The following CYFIP1 variants were observed in gnomAD, a reference collection of about 807,000 sequenced individuals.
CYFIP1 encodes cytoplasmic FMR1-interacting protein 1.
In CYFIP1, 58 loss-of-function variants were observed where a neutral mutation model predicts 163.5. That is an observed-to-expected ratio of 0.35 (90% confidence interval 0.29 to 0.44). The LOEUF (loss-of-function observed/expected upper bound fraction) is 0.44, where lower values mean the gene tolerates loss of function less well. Ranked by LOEUF, CYFIP1 falls within the 20% of genes least tolerant of loss-of-function variation. The pLI, the probability that CYFIP1 is intolerant of heterozygous loss-of-function variation, is 1.00. For synonymous variants in CYFIP1, 663 were observed against 660.7 expected, an observed-to-expected ratio of 1.00 and a Z score of -0.05; for missense variants, 1,338 against 1,653.8, an observed-to-expected ratio of 0.81 and a Z score of 3.31.
At chr15:22,953,838 G>A (rs1230379798) in intron 1 of CYFIP1, among the ~76,000 whole-genome samples, 4 of 152,240 alleles carry the variant, frequency 2.6e-5, no homozygotes, top group African/African-American at 7.2e-5. Flanking sequence ...GGTGGATCAC[G>A]AAGTCAGGAG....
chr15:22,934,183 T>C (rs1232775332), intron 9 of CYFIP1, among the ~76,000 whole-genome samples: 1 of 118,404 alleles, frequency 8.4e-6, no homozygotes, highest in Non-Finnish European at 1.7e-5. Flanking sequence ...CTTTCTTTTT[T>C]TTTTTTTTTT....
chr15:22,870,468 G>A (rs1027119914), intron 30 of CYFIP1, among the ~76,000 whole-genome samples: 21 of 151,750 alleles, frequency 1.4e-4, no homozygotes, highest in East Asian at 1.9e-4. Flanking sequence ...ACCACCACAC[G>A]CAGCTAATTT....
chr15:22,932,263 A>G lies in CYFIP1; in HGVS notation c.1070T>C (p.Met357Thr), dbSNP rs967460838. 2.5e-6 allele frequency: 4 copies of G among 1,613,344 alleles called. No individual in the cohort carries two copies. The highest frequency in any genetic ancestry group is 3.4e-6 in the Non-Finnish European group (4 of 1,179,700). Reference protein sequence around the residue: ...EQMIQIREDHMRFISELARYS... With the variant: ...EQMIQIREDHTRFISELARYS... Reference sequence around the variant, plus strand: ...GCGCGCCAGCTCCGAAATGAAGCGCATGTGGTCCTCGCGGATCTGGATCAT... The same window carrying G: ...GCGCGCCAGCTCCGAAATGAAGCGCGTGTGGTCCTCGCGGATCTGGATCAT... Residue 357 changes from methionine to threonine, a missense_variant, in exon 11 of 31, where the codon ATG (methionine) becomes ACG (threonine). Physicochemically the swap from Met to Thr is moderately conservative, Grantham distance 81. Around this residue, in one of 4 missense-constraint regions of CYFIP1, gnomAD observed 824 missense variants for 995.7 expected, o/e 0.83. Coordinates refer to ENST00000617928, the MANE Select transcript of CYFIP1 (RefSeq NM_014608.6).
Position 22,905,504 on chromosome 15 carries a change from T to C in CYFIP1, c.2389-1599A>G, listed in dbSNP as rs1193305025. The C allele has an allele frequency of 2.0e-5, 3 of 151,852 alleles. No homozygotes were observed. In the East Asian group the frequency reaches 5.8e-4, roughly 29 times the overall value. 9.4% of individuals were successfully genotyped at this position (151,852 alleles called of 1,614,324 possible). A position where few individuals can be genotyped will look rare whatever the true frequency, so the allele number is the denominator to read the frequency against. On this transcript the variant is annotated intron_variant, in intron 21 of 30. Coordinates refer to ENST00000617928, the MANE Select transcript of CYFIP1 (RefSeq NM_014608.6). ...TCCCTCTTTTCATTCCTTTTTTTTT[T>C]TTTTGAGACAGAGCCTCAAAAACTC...
intron 1 of CYFIP1, among the ~76,000 whole-genome samples, chr15:22,971,138 C>T (rs1227842801): frequency 6.6e-6 from 1 of 152,144 alleles, no homozygotes; most frequent in Non-Finnish European, 1.5e-5. Flanking sequence ...AACGCCTAAA[C>T]ATCGGATCTA....
At chr15:22,906,104 G>A (rs558666633) in intron 21 of CYFIP1, among the ~76,000 whole-genome samples, 1 of 150,616 alleles carries the variant, frequency 6.6e-6, no homozygotes, top group South Asian at 2.1e-4. Flanking sequence ...CTTATTTCTC[G>A]ATTTATTTTT....
In CYFIP1 at chr15:22,867,185, G is replaced by T; in HGVS notation, c.*2843C>A. 1 of 434,342 alleles carries T rather than the reference G, an allele frequency of 2.3e-6. No homozygotes were observed. Among genetic ancestry groups the T allele is most frequent in the Admixed American group, 3.9e-5 (1 of 25,512 alleles). The allele number at this position is 434,342 out of a possible 1,614,324, so 26.9% of individuals were successfully genotyped here. A position where few individuals can be genotyped will look rare whatever the true frequency, so the allele number is the denominator to read the frequency against. ...CATTGGTGATGAAAGTCTGAAATGT[G>T]CATTTGTCATCCCCACTCCATCAAT... On this transcript the variant is annotated 3_prime_UTR_variant, in exon 31 of 31. Coordinates refer to ENST00000617928, the MANE Select transcript of CYFIP1 (RefSeq NM_014608.6).
chr15:22,960,821 A>G (rs1018111252), intron 1 of CYFIP1, among the ~76,000 whole-genome samples: 12 of 152,152 alleles, frequency 7.9e-5, no homozygotes, highest in Non-Finnish European at 1.2e-4. Context: ...AGCACATCCC[A>G]GGAGGTTTCT....
intron 13 of CYFIP1, among the ~76,000 whole-genome samples, chr15:22,920,452 TG>T (rs1446942469): frequency 6.6e-6 from 1 of 152,208 alleles, no homozygotes; most frequent in Admixed American, 6.5e-5. Context: ...TCACACCTTT[TG>T]AGTTCCTCAT....
chr15:22,883,170 C>T (rs998129653), intron 23 of CYFIP1, among the ~76,000 whole-genome samples, 159 bp from the exon 24 acceptor site: 5 of 152,156 alleles, frequency 3.3e-5, no homozygotes, highest in African/African-American at 9.7e-5. Flanking sequence ...AGTTACAAAA[C>T]CTACTTAGCC....
In CYFIP1 at chr15:22,979,061, C is replaced by G. The variant is rs113701506; in HGVS notation, c.-7+1226G>C. ...TTTTCTTTGAGCGCAGCACAGACAC[C>G]TGTCTTAACGCAGGAAACGTCCTCC... On this transcript the variant is annotated intron_variant, in intron 1 of 30. Transcript: ENST00000617928. 2.6e-4 allele frequency among the ~76,000 whole-genome samples: 39 copies of G among 152,288 alleles called. 1 individual carries two copies. Among genetic ancestry groups the G allele is most frequent in the African/African-American group, 7.0e-4 (29 of 41,548 alleles).
rs972562031 is a variant in CYFIP1, at chr15:22,885,071, AGG to A, written c.2677-2062_2677-2061del. On this transcript the variant is annotated intron_variant, in intron 23 of 30. Coordinates refer to ENST00000617928, the MANE Select transcript of CYFIP1 (RefSeq NM_014608.6). ...CCTAGGCCTCTGGGTTTATGATGGG[AGG>A]GGCTGCCTCGTACATGTCCTGGAGA... 3.4e-4 allele frequency among the ~76,000 whole-genome samples: 52 copies of A among 152,146 alleles called. 1 individual carries two copies. The highest frequency in any genetic ancestry group is 1.1e-3 in the African/African-American group (46 of 41,512).
intron 11 of CYFIP1, among the ~76,000 whole-genome samples, chr15:22,931,478 C>T (rs561728093): frequency 6.6e-6 from 1 of 152,112 alleles, no homozygotes; most frequent in Admixed American, 6.5e-5. Context: ...CCCAGAGGCT[C>T]CTGCTCACCT....
At chr15:22,883,622 C>T (rs954425856) in intron 23 of CYFIP1, among the ~76,000 whole-genome samples, 13 of 152,070 alleles carry the variant, frequency 8.5e-5, no homozygotes, top group East Asian at 1.9e-4. Flanking sequence ...TGGAGACCAT[C>T]CTGGCTAACA....
At chr15:22,883,099 A>T in intron 23 of CYFIP1, 88 bp from the exon 24 acceptor site, 1 of 1,491,210 alleles carries the variant, frequency 6.7e-7, no homozygotes, top group East Asian at 2.3e-5. Context: ...CAACACACAC[A>T]GGCTCAGGTG....
At position 22,870,132 on chromosome 15, in the gene CYFIP1, T is replaced by G. The variant is rs771581093; in HGVS notation, c.3658A>C (p.Thr1220Pro). The G allele has an allele frequency of 1.7e-5, 27 of 1,612,996 alleles. No individual in the cohort carries two copies. In the East Asian group the frequency reaches 6.0e-4, roughly 36 times the overall value. The change falls in exon 31 of 31, where the codon ACC (threonine) becomes CCC (proline). Residue 1220 changes from threonine to proline, a missense_variant. Physicochemically the swap from Thr to Pro is conservative, Grantham distance 38. This residue lies in a region of CYFIP1 where 306 missense variants were observed against 322.1 expected (regional missense o/e 0.95). Coordinates refer to ENST00000617928, the MANE Select transcript of CYFIP1 (RefSeq NM_014608.6). ...KFQILNDEII[T>P]ILDKYLKSGD... Reference sequence around the variant, plus strand: ...GACTTCAGGTACTTATCCAGGATGGTGATGATCTCATCATTGAGAATCTGG... The same window carrying G: ...GACTTCAGGTACTTATCCAGGATGGGGATGATCTCATCATTGAGAATCTGG...
rs536336533 is a variant in CYFIP1 at position 22,927,991 on chromosome 15, G to A, written c.1148C>T (p.Thr383Met). ...GAAGAGCTTGCGGTACTCCGCGTCC[G>A]TCTTCTGGGCCTCCTGGCGGCCCGA... The part of the protein sequence containing the change: ...TGSGRQEAQK[T>M]DAEYRKLFDL... Residue 383 changes from threonine (T) to methionine (M), a missense_variant, in exon 12 of 31, where the codon ACG becomes ATG. Around this residue, in one of 4 missense-constraint regions of CYFIP1, gnomAD observed 824 missense variants for 995.7 expected, o/e 0.83. Transcript: ENST00000617928. The A allele has an allele frequency of 8.2e-6, 13 of 1,592,306 alleles. No individual in the cohort carries two copies. Among genetic ancestry groups the A allele is most frequent in the East Asian group, 2.3e-5 (1 of 43,478 alleles).
In CYFIP1 at chr15:22,937,110, G is replaced by A; in HGVS notation, c.894C>T (p.Tyr298=). ...KRINLSKIDK[Y]FKQLQVVPLF... ...CTAAAAACATGTAACTCACCTTGAA[G>A]TACTTGTCGATTTTGGATAAGTTTA... The change falls in exon 9 of 31, where the codon TAC becomes TAT. Residue 298 remains tyrosine, a synonymous_variant. Transcript: ENST00000617928. The A allele has an allele frequency of 6.3e-7, 1 of 1,594,778 alleles. No individual in the cohort carries two copies. Among genetic ancestry groups the A allele is most frequent in the African/African-American group, 1.3e-5 (1 of 74,640 alleles).
At chr15:22,977,586 G>A (rs1411854842) in intron 1 of CYFIP1, among the ~76,000 whole-genome samples, 3 of 152,116 alleles carry the variant, frequency 2.0e-5, no homozygotes, top group Middle Eastern at 6.8e-3. Context: ...ATCCCAGCAC[G>A]TTGGGAGGCC....
Sources: gnomAD v4.1 joint callset for allele counts (sites outside exome capture counted in the v4.1 genomes callset) on GRCh38, gnomAD v4.1.1 for gene constraint, gnomAD v4.1.1 regional missense constraint, MANE v1.5 for transcripts, NCBI Gene and HGNC (gene_info 2026-07-23, HGNC 2026-07-21) for gene names.